CPA6: variants seen among roughly 807,000 people sequenced by gnomAD.
The protein encoded by CPA6 is carboxypeptidase B.
In CPA6, 58 loss-of-function variants were observed where a neutral mutation model predicts 63.3. The ratio of observed to expected loss-of-function variants is 0.92; its 90% CI spans 0.74 to 1.14. The LOEUF (loss-of-function observed/expected upper bound fraction) is 1.14. Among genes scored for constraint, CPA6 ranks in the 50% most tolerant of loss-of-function variants. The pLI is 0.00. For missense variants in CPA6, 565 were observed against 526.6 expected (o/e 1.07, Z -0.71); for synonymous variants, 185 against 179.0 (o/e 1.03, Z -0.27).
At chr8:67,545,696 G>A (rs996388418) in intron 2 of CPA6, among the ~76,000 whole-genome samples, 3 of 151,394 alleles carry the variant, frequency 2.0e-5, no homozygotes, top group Admixed American at 6.6e-5. Context: ...CCAAGTAGCT[G>A]GGAGAACAGG....
intron 1 of CPA6, among the ~76,000 whole-genome samples, chr8:67,729,516 A>C (rs1817666509): frequency 6.6e-6 from 1 of 152,218 alleles, no homozygotes; most frequent in Non-Finnish European, 1.5e-5. Context: ...AATAAGATGA[A>C]GTTCCTTCCC....
At chr8:67,595,965 G>A (rs909070785) in intron 2 of CPA6, among the ~76,000 whole-genome samples, 12 of 152,188 alleles carry the variant, frequency 7.9e-5, no homozygotes, top group African/African-American at 2.2e-4. Flanking sequence ...GAAATCACCC[G>A]TCTTCTGCGT....
chr8:67,631,731 G>T (rs1029274864), intron 1 of CPA6, among the ~76,000 whole-genome samples: 1 of 152,178 alleles, frequency 6.6e-6, no homozygotes, highest in South Asian at 2.1e-4. Flanking sequence ...CTCACTCTTT[G>T]GGTCTGCACT....
intron 8 of CPA6, among the ~76,000 whole-genome samples, chr8:67,439,445 C>G (rs1810237951): frequency 6.6e-6 from 1 of 151,794 alleles, no homozygotes; most frequent in Non-Finnish European, 1.5e-5. Context: ...AAAAATTAGC[C>G]AGGTATGGTG....
intron 1 of CPA6, among the ~76,000 whole-genome samples, chr8:67,630,383 A>C (rs1563368612): frequency 6.6e-6 from 1 of 152,008 alleles, no homozygotes; most frequent in Non-Finnish European, 1.5e-5. Context: ...AAGAAAACCC[A>C]CACAGACATG....
rs752555064 is a variant in CPA6 at position 67,483,815 on chromosome 8, C to A, written c.791G>T (p.Arg264Leu). Residue 264 changes from arginine (R) to leucine (L), a missense_variant, in exon 8 of 11, where the codon CGC (arginine) becomes CTC (leucine). Arg to Leu is a moderately radical substitution (Grantham distance 102, BLOSUM62 -2). Transcript: ENST00000297770. ...TCTATTGGCATCCACTCCACGGCAG[C>A]GAAACCTTGAGTTCCTTGACCTTGT... ...RKTRSRNSRF[R>L]CRGVDANRNW... 22 of 1,614,168 alleles carry A rather than the reference C, an allele frequency of 1.4e-5. No individual in the cohort carries two copies. Among genetic ancestry groups the A allele is most frequent in the Non-Finnish European group, 1.8e-5 (21 of 1,180,022 alleles).
chr8:67,455,435 A>G (rs933278934), intron 8 of CPA6, among the ~76,000 whole-genome samples: 4 of 152,168 alleles, frequency 2.6e-5, no homozygotes, highest in African/African-American at 7.2e-5. Context: ...ATCCTGATAA[A>G]TAACTCTTAC....
chr8:67,461,650 G>A lies in CPA6; in HGVS notation c.838+22118C>T, dbSNP rs558146195. 3.0e-4 allele frequency among the ~76,000 whole-genome samples: 46 copies of A among 152,162 alleles called. 1 individual carries two copies. The East Asian group carries it at 8.1e-3, about 27-fold the overall frequency. On this transcript the variant is annotated intron_variant, in intron 8 of 10. Coordinates refer to ENST00000297770, the MANE Select transcript of CPA6 (RefSeq NM_020361.5). ...CCAGTAGGGGCGGCCGGGCAGAGGT[G>A]CCCCTCACCTCCCGGACGGGGCGGC...
intron 8 of CPA6, among the ~76,000 whole-genome samples, chr8:67,473,691 G>A (rs1198281392): frequency 1.3e-5 from 2 of 152,010 alleles, no homozygotes; most frequent in Admixed American, 6.6e-5. Flanking sequence ...TGCAACCTCC[G>A]CCTCCCAGGC....
chr8:67,477,353 T>C (rs1034235804), intron 8 of CPA6, among the ~76,000 whole-genome samples: 1 of 151,440 alleles, frequency 6.6e-6, no homozygotes, highest in Non-Finnish European at 1.5e-5. Context: ...TTTAGCTCAT[T>C]CATCTTCTAG....
chr8:67,467,233 C>CT (rs1810946681), intron 8 of CPA6, among the ~76,000 whole-genome samples: 1 of 152,188 alleles, frequency 6.6e-6, no homozygotes, highest in Non-Finnish European at 1.5e-5. Flanking sequence ...TCTCTGTTCA[C>CT]TGTTGACGTG....
intron 1 of CPA6, among the ~76,000 whole-genome samples, chr8:67,674,210 T>G (rs554050613): frequency 1.6e-4 from 25 of 152,298 alleles, no homozygotes; most frequent in African/African-American, 5.5e-4. Context: ...GAAGTCTGAT[T>G]TCAGGGCTCA....
At chr8:67,575,069 CA>C (rs1813588532) in intron 2 of CPA6, among the ~76,000 whole-genome samples, 1 of 151,846 alleles carries the variant, frequency 6.6e-6, no homozygotes, top group Non-Finnish European at 1.5e-5. Flanking sequence ...TAAAAATGGG[CA>C]AAGAATCTGA....
intron 8 of CPA6, among the ~76,000 whole-genome samples, chr8:67,462,485 A>G (rs1256007027): frequency 6.6e-6 from 1 of 152,178 alleles, no homozygotes; most frequent in African/African-American, 2.4e-5. Context: ...CCTTGTACCT[A>G]TATTATTTCC....
intron 1 of CPA6, among the ~76,000 whole-genome samples, chr8:67,666,536 C>T (rs1816231209): frequency 6.6e-6 from 1 of 152,098 alleles, no homozygotes; most frequent in Non-Finnish European, 1.5e-5. Flanking sequence ...GAAAGTTCCC[C>T]TTGGCTCCTC....
chr8:67,627,964 A>G (rs1359241355), intron 1 of CPA6, among the ~76,000 whole-genome samples: 1 of 152,162 alleles, frequency 6.6e-6, no homozygotes, highest in Non-Finnish European at 1.5e-5. Flanking sequence ...CCAACTCTAT[A>G]TTATGTCTGG....
intron 8 of CPA6, among the ~76,000 whole-genome samples, chr8:67,441,160 C>T (rs1489177250): frequency 6.6e-6 from 1 of 152,132 alleles, no homozygotes; most frequent in Non-Finnish European, 1.5e-5. Flanking sequence ...GTCTCCAAGA[C>T]ACCTGGATAA....
chr8:67,506,784 T>TA lies in CPA6; in HGVS notation c.636+2dup. The TA allele has an allele frequency of 6.3e-7, 1 of 1,593,980 alleles. No individual in the cohort carries two copies. The highest frequency in any genetic ancestry group is 8.6e-7 in the Non-Finnish European group (1 of 1,161,774). On this transcript the variant is annotated splice_region_variant and intron_variant, in intron 6 of 10. Coordinates refer to ENST00000297770, the MANE Select transcript of CPA6 (RefSeq NM_020361.5). Reference sequence around the variant, plus strand: ...TGGACATTGTGTAAAGGGTTTAACTTACTTCTTTTACAAACCACTGACAAA... The same window carrying TA: ...TGGACATTGTGTAAAGGGTTTAACTTAACTTCTTTTACAAACCACTGACAAA...
chr8:67,576,589 A>G (rs1333020068), intron 2 of CPA6, among the ~76,000 whole-genome samples: 15 of 152,214 alleles, frequency 9.9e-5, no homozygotes, highest in Admixed American at 9.8e-4. Context: ...GACAGCAGGG[A>G]ATGTTCATTT....
Sources: gnomAD v4.1 joint callset for allele counts (sites outside exome capture counted in the v4.1 genomes callset) on GRCh38, gnomAD v4.1.1 for gene constraint, MANE v1.5 for transcripts, NCBI Gene and HGNC (gene_info 2026-07-23, HGNC 2026-07-21) for gene names.